SUGCT: variants seen among roughly 807,000 people sequenced by gnomAD.
SUGCT encodes succinyl-CoA:glutarate CoA-transferase.
SUGCT carries 41 observed loss-of-function variants against 55.0 expected under a neutral mutation model. The observed-to-expected ratio is 0.74, with a 90% CI of 0.58 to 0.97. SUGCT has a LOEUF of 0.97. Ranked by LOEUF, SUGCT falls within the 50% of genes least tolerant of loss-of-function variation. The pLI, the probability that SUGCT is intolerant of heterozygous loss-of-function variation, is 0.00. For synonymous variants in SUGCT, 187 were observed against 200.4 expected (o/e 0.93, Z 0.56); for missense variants, 568 against 547.8 (o/e 1.04, Z -0.37).
At chr7:40,629,737 GT>G (rs777405315) in intron 12 of SUGCT, among the ~76,000 whole-genome samples, 44 of 152,128 alleles carry the variant, frequency 2.9e-4, no homozygotes, top group Non-Finnish European at 5.3e-4. Context: ...AGAAATACCA[GT>G]TTTTAAATCT....
intron 8 of SUGCT, among the ~76,000 whole-genome samples, chr7:40,276,553 A>AT (rs1792492750): frequency 6.6e-6 from 1 of 152,180 alleles, no homozygotes; most frequent in South Asian, 2.1e-4. Context: ...AAGTCTCCTG[A>AT]TTTTTACCTA....
At chr7:40,136,907 T>C (rs929877560) in intron 1 of SUGCT, among the ~76,000 whole-genome samples, 2 of 151,902 alleles carry the variant, frequency 1.3e-5, no homozygotes, top group Non-Finnish European at 2.9e-5. Flanking sequence ...TGAGGTGGGA[T>C]GGCTTGAGTC....
At chr7:40,872,096 T>A in the SUGCT span, among the ~76,000 whole-genome samples, 1 of 152,156 alleles carries the variant, frequency 6.6e-6, no homozygotes, top group Admixed American at 6.5e-5. Flanking sequence ...CTGATAAACA[T>A]CCAGCAATGC....
chr7:40,351,709 G>C (rs117441433), intron 9 of SUGCT, among the ~76,000 whole-genome samples: 14 of 152,234 alleles, frequency 9.2e-5, no homozygotes, highest in Admixed American at 2.0e-4. Context: ...TTAGAGTTTG[G>C]TTAAAAACTG....
chr7:40,472,641 A>C (rs934671731), intron 11 of SUGCT, among the ~76,000 whole-genome samples: 1 of 151,946 alleles, frequency 6.6e-6, no homozygotes, highest in African/African-American at 2.4e-5. Flanking sequence ...AGAGCAAACC[A>C]CATAATGCCA....
intron 13 of SUGCT, among the ~76,000 whole-genome samples, chr7:40,803,995 T>C (rs1013003803): frequency 2.6e-5 from 4 of 152,188 alleles, no homozygotes; most frequent in Admixed American, 2.0e-4. Flanking sequence ...AAATTCACTT[T>C]CCACATGAAA....
intron 8 of SUGCT, among the ~76,000 whole-genome samples, chr7:40,303,165 C>T (rs1794637998): frequency 6.6e-6 from 1 of 151,650 alleles, no homozygotes; most frequent in Non-Finnish European, 1.5e-5. Flanking sequence ...TCCCGAGTAG[C>T]TGGGATTACA....
At chr7:40,936,393 A>G in the SUGCT span, among the ~76,000 whole-genome samples, 1 of 151,842 alleles carries the variant, frequency 6.6e-6, no homozygotes. Flanking sequence ...TGTTCACAGT[A>G]GTCCCTTAAA....
chr7:40,215,333 T>G (rs55919600), intron 6 of SUGCT, among the ~76,000 whole-genome samples: 9 of 152,056 alleles, frequency 5.9e-5, no homozygotes, highest in Admixed American at 5.9e-4. Flanking sequence ...TTTTATTTTT[T>G]TGTAGAGACA....
chr7:40,711,369 G>A (rs1277938179), intron 12 of SUGCT, among the ~76,000 whole-genome samples: 5 of 152,046 alleles, frequency 3.3e-5, no homozygotes, highest in Non-Finnish European at 5.9e-5. Flanking sequence ...AATTAGGTGG[G>A]CATGGTGGCG....
intron 6 of SUGCT, among the ~76,000 whole-genome samples, chr7:40,215,644 C>T (rs1025855624): frequency 2.6e-5 from 4 of 151,812 alleles, no homozygotes; most frequent in African/African-American, 7.3e-5. Context: ...GGGTGGATCA[C>T]GAGGTCAGGA....
intron 12 of SUGCT, among the ~76,000 whole-genome samples, chr7:40,624,529 A>C (rs985018746): frequency 3.3e-5 from 5 of 152,324 alleles, no homozygotes; most frequent in Non-Finnish European, 7.4e-5. Context: ...TTTTCCTAGA[A>C]TCACAGGATA....
intron 12 of SUGCT, among the ~76,000 whole-genome samples, chr7:40,590,633 A>G (rs1316434284): frequency 6.6e-6 from 1 of 152,214 alleles, no homozygotes; most frequent in Non-Finnish European, 1.5e-5. Flanking sequence ...GGAAGAAGAT[A>G]TCATCTGGAC....
chr7:40,538,434 C>G (rs938190695), intron 12 of SUGCT: 1 of 152,174 alleles, frequency 6.6e-6, no homozygotes, highest in Admixed American at 6.5e-5. Flanking sequence ...AGGCTTATGA[C>G]TCAGTCTTTG....
In SUGCT at chr7:40,468,724, G is replaced by T. The variant is rs192297656; in HGVS notation, c.986+9526G>T. On this transcript the variant is annotated intron_variant, in intron 11 of 13. Transcript: ENST00000335693. ...AGGTTTTACCATTAAAGATTTTGTG[G>T]GGGAGTGGGGGTGGGTTAAAAGTCT... Among the ~76,000 whole-genome samples the T allele has an allele frequency of 3.9e-5, 6 of 152,172 alleles. No homozygotes were observed. In the East Asian group the frequency reaches 7.7e-4, roughly 20 times the overall value.
At chr7:40,406,084 T>C (rs1786354890) in intron 9 of SUGCT, among the ~76,000 whole-genome samples, 1 of 152,044 alleles carries the variant, frequency 6.6e-6, no homozygotes, top group African/African-American at 2.4e-5. Flanking sequence ...GGTAGTTTGA[T>C]AGGCAGGTGG....
intron 8 of SUGCT, among the ~76,000 whole-genome samples, chr7:40,302,927 G>A (rs185136109): frequency 7.2e-5 from 11 of 152,106 alleles, no homozygotes; most frequent in African/African-American, 2.4e-4. Context: ...CCACTCATAG[G>A]CATCTCCACC....
chr7:40,404,298 G>T (rs1786240771), intron 9 of SUGCT, among the ~76,000 whole-genome samples: 1 of 152,188 alleles, frequency 6.6e-6, no homozygotes, highest in Non-Finnish European at 1.5e-5. Flanking sequence ...CTAAGCAAAA[G>T]ATGGAAGATG....
chr7:40,444,810 A>G (rs1455845022), intron 9 of SUGCT, among the ~76,000 whole-genome samples: 1 of 152,154 alleles, frequency 6.6e-6, no homozygotes, highest in Non-Finnish European at 1.5e-5. Flanking sequence ...CCAGTTTTCA[A>G]AGGGAATGCT....
Sources: allele counts gnomAD v4.1 joint callset (sites outside exome capture counted in the v4.1 genomes callset), GRCh38; gene constraint gnomAD v4.1.1; transcripts MANE v1.5; gene names NCBI Gene and HGNC (gene_info 2026-07-23, HGNC 2026-07-21).